TAFA5: variants seen among roughly 807,000 people sequenced by gnomAD.
TAFA5 encodes the protein chemokine-like protein TAFA-5.
Under a neutral mutation model 15.3 loss-of-function variants are expected in TAFA5, and 6 were observed. The ratio of observed to expected loss-of-function variants is 0.39; its 90% CI spans 0.21 to 0.77. The LOEUF (loss-of-function observed/expected upper bound fraction) is 0.77, where lower values mean the gene tolerates loss of function less well. Among genes scored for constraint, TAFA5 ranks in the 30% least tolerant of loss-of-function variants. The pLI, the probability that TAFA5 is intolerant of heterozygous loss-of-function variation, is 0.41. For synonymous variants in TAFA5, 103 were observed against 80.7 expected (o/e 1.28, Z -1.48); for missense variants, 161 against 193.1 (o/e 0.83, Z 0.98).
intron 2 of TAFA5, among the ~76,000 whole-genome samples, chr22:48,699,348 T>C (rs1250926272): frequency 1.3e-5 from 2 of 152,074 alleles, no homozygotes; most frequent in Non-Finnish European, 2.9e-5. Context: ...GCGGTAAAAC[T>C]GGAATAAACC....
chr22:48,613,725 C>T (rs1005734071), intron 1 of TAFA5, among the ~76,000 whole-genome samples: 4 of 152,252 alleles, frequency 2.6e-5, no homozygotes, highest in African/African-American at 9.6e-5. Flanking sequence ...TGTGGCTGCG[C>T]CCCAGCCCGG....
At chr22:48,615,728 T>C (rs28399329) in intron 1 of TAFA5, among the ~76,000 whole-genome samples, 32,178 of 151,972 alleles carry the variant, frequency 0.21, 3,533 homozygotes, top group African/African-American at 0.22. Flanking sequence ...AGGGGCCCTG[T>C]GACAAGAAAG....
rs60275235 is a variant in TAFA5, at chr22:48,693,630, G to A, written c.263-14087G>A. 2.9e-3 allele frequency among the ~76,000 whole-genome samples: 434 copies of A among 152,182 alleles called. 2 individuals carry two copies. Among genetic ancestry groups the A allele is most frequent in the African/African-American group, 9.5e-3 (394 of 41,504 alleles). On this transcript the variant is annotated intron_variant, in intron 2 of 3. Transcript: ENST00000402357. ...TTCTGCCTTCGTCCCGTCCTGCCCC[G>A]GGCCTTATTCCTGCTCTCTCTCTGT...
At chr22:48,662,487 G>GGTGATTC (rs61576921) in intron 2 of TAFA5, among the ~76,000 whole-genome samples, 42,964 of 151,620 alleles carry the variant, frequency 0.28, 6,584 homozygotes, top group African/African-American at 0.41. Context: ...GTGTGATGGG[G>GGTGATTC]GTGATTCAAG....
Position 48,490,985 on chromosome 22 carries a change from C to T in TAFA5, c.112+1281C>T, listed in dbSNP as rs148287679. Among the ~76,000 whole-genome samples, 56 of 152,268 alleles carry T rather than the reference C, an allele frequency of 3.7e-4. 1 individual carries two copies. Among genetic ancestry groups the T allele is most frequent in the African/African-American group, 1.3e-3 (53 of 41,546 alleles). On this transcript the variant is annotated intron_variant, in intron 1 of 3. Transcript: ENST00000402357. The surrounding 1 kb of genome is among the most constrained non-coding windows in gnomAD (Gnocchi z 5.8). Reference sequence around the variant, plus strand: ...GCTCGCCAGGATCGCAAGGGAAACCCGGGGACCAGAGCAGGAATTTTCCTA... The same window carrying T: ...GCTCGCCAGGATCGCAAGGGAAACCTGGGGACCAGAGCAGGAATTTTCCTA...
chr22:48,709,873 C>T (rs1022454493), intron 3 of TAFA5, among the ~76,000 whole-genome samples: 46 of 152,252 alleles, frequency 3.0e-4, no homozygotes, highest in African/African-American at 1.1e-3. Flanking sequence ...CCAAAGGCAT[C>T]GAGGTGCTTG....
At chr22:48,531,613 T>C (rs765505442) in intron 1 of TAFA5, among the ~76,000 whole-genome samples, 4 of 152,190 alleles carry the variant, frequency 2.6e-5, no homozygotes, top group Non-Finnish European at 5.9e-5. Context: ...TGCAGGGGAC[T>C]CTAGCCTGGA....
chr22:48,539,389 C>T (rs913989783), intron 1 of TAFA5: 53 of 471,100 alleles, frequency 1.1e-4, no homozygotes, highest in Admixed American at 3.3e-4. Flanking sequence ...GGTGATCACT[C>T]TGAAGTGGTT....
intron 1 of TAFA5, among the ~76,000 whole-genome samples, chr22:48,634,946 A>G (rs908299788): frequency 4.6e-5 from 7 of 152,170 alleles, no homozygotes; most frequent in African/African-American, 1.7e-4. Context: ...TGTCCACACC[A>G]AAGAGGAAAA....
chr22:48,682,400 C>T (rs1032266409), intron 2 of TAFA5, among the ~76,000 whole-genome samples: 2 of 152,176 alleles, frequency 1.3e-5, no homozygotes, highest in Non-Finnish European at 2.9e-5. Flanking sequence ...GAACATCTGC[C>T]CCTCCACCCA....
intron 1 of TAFA5, among the ~76,000 whole-genome samples, chr22:48,595,064 C>T (rs1035295737): frequency 3.9e-5 from 6 of 152,276 alleles, no homozygotes; most frequent in Admixed American, 1.3e-4. Context: ...TGCCTTGAGC[C>T]TGTGACCGGG....
intron 1 of TAFA5, among the ~76,000 whole-genome samples, chr22:48,516,930 C>T (rs1921427665): frequency 1.3e-5 from 2 of 152,206 alleles, no homozygotes; most frequent in Admixed American, 1.3e-4. Context: ...TACAGACTTT[C>T]AAACATCTTA....
intron 1 of TAFA5, among the ~76,000 whole-genome samples, chr22:48,507,419 C>G (rs757135754): frequency 6.6e-6 from 1 of 152,172 alleles, no homozygotes; most frequent in Non-Finnish European, 1.5e-5. Flanking sequence ...ACCCCCAACC[C>G]GGAGCCCTGG....
chr22:48,513,734 A>T (rs1038353148), intron 1 of TAFA5, among the ~76,000 whole-genome samples: 2 of 152,152 alleles, frequency 1.3e-5, no homozygotes, highest in Admixed American at 1.3e-4. Context: ...GCTCTGCTCC[A>T]TGGGGGCAGT....
intron 1 of TAFA5, among the ~76,000 whole-genome samples, chr22:48,588,477 C>T (rs1346066113): frequency 6.6e-6 from 1 of 152,120 alleles, no homozygotes; most frequent in Non-Finnish European, 1.5e-5. Context: ...TGGGAGGGGT[C>T]CTGCAGAGGG....
intron 1 of TAFA5, among the ~76,000 whole-genome samples, chr22:48,577,679 G>A (rs1923867412): frequency 6.6e-6 from 1 of 152,240 alleles, no homozygotes; most frequent in South Asian, 2.1e-4. Context: ...GGTAGGTGCA[G>A]GAGCCCGGCC....
chr22:48,565,093 G>T (rs560692319), intron 1 of TAFA5, among the ~76,000 whole-genome samples: 1 of 152,356 alleles, frequency 6.6e-6, no homozygotes, highest in East Asian at 1.9e-4. Flanking sequence ...GGGCTGAGAG[G>T]AGCTTCCCTG....
intron 1 of TAFA5, among the ~76,000 whole-genome samples, chr22:48,567,325 C>T (rs1477513880): frequency 2.6e-5 from 4 of 150,982 alleles, no homozygotes; most frequent in Admixed American, 1.3e-4. Flanking sequence ...CCGAGGACTG[C>T]GGGTAGCAGG....
At chr22:48,747,912 A>G (rs1041935345) in intron 3 of TAFA5, among the ~76,000 whole-genome samples, 4 of 151,946 alleles carry the variant, frequency 2.6e-5, no homozygotes, top group Admixed American at 6.6e-5. Flanking sequence ...AAAAAAAAAA[A>G]AAAAGAATAG....
Sources: gnomAD v4.1 joint callset for allele counts (sites outside exome capture counted in the v4.1 genomes callset) on GRCh38, gnomAD v4.1.1 for gene constraint, Gnocchi (gnomAD v3.1) non-coding constraint, MANE v1.5 for transcripts, NCBI Gene and HGNC (gene_info 2026-07-23, HGNC 2026-07-21) for gene names.